The following NEDD4L variants were observed in gnomAD, a reference collection of about 807,000 sequenced individuals.
The protein encoded by NEDD4L is E3 ubiquitin-protein ligase NEDD4-like.
In NEDD4L, 54 loss-of-function variants were observed where a neutral mutation model predicts 148.9. That is an observed-to-expected ratio of 0.36 (90% CI 0.29 to 0.45). The LOEUF (loss-of-function observed/expected upper bound fraction) is 0.45, where lower values mean the gene tolerates loss of function less well. NEDD4L is among the 20% of genes least tolerant of loss of function. NEDD4L has a pLI of 1.00. For synonymous variants in NEDD4L, 433 were observed against 440.7 expected, an observed-to-expected ratio of 0.98 and a Z score of 0.22; for missense variants, 856 against 1,233.8, an observed-to-expected ratio of 0.69 and a Z score of 4.59.
At chr18:58,202,091 C>G (rs1212668712) in intron 2 of NEDD4L, among the ~76,000 whole-genome samples, 2 of 152,174 alleles carry the variant, frequency 1.3e-5, no homozygotes, top group Admixed American at 1.3e-4. Context: ...CCTCAGTAAC[C>G]TTTTATTCTC....
rs139431524 is a variant in NEDD4L at position 58,092,125 on chromosome 18, G to A, written c.48+47417G>A. ...AGTTACAGATGTGAGTAAAAGAGGG[G>A]ATGGCAGGGGGCAGAAGTCAGGGCA... On this transcript the variant is annotated intron_variant, in intron 1 of 30. Coordinates refer to ENST00000400345, the MANE Select transcript of NEDD4L (RefSeq NM_001144967.3). Among the ~76,000 whole-genome samples the A allele has an allele frequency of 6.0e-3, 911 of 152,370 alleles. 4 individuals carry two copies. Among genetic ancestry groups the A allele is most frequent in the Non-Finnish European group, 9.8e-3 (668 of 68,040 alleles).
At chr18:58,083,617 G>A (rs1374505473) in intron 1 of NEDD4L, among the ~76,000 whole-genome samples, 1 of 152,150 alleles carries the variant, frequency 6.6e-6, no homozygotes, top group Non-Finnish European at 1.5e-5. Flanking sequence ...GAACTCGGGA[G>A]GCAGAGCTTG....
intron 1 of NEDD4L, among the ~76,000 whole-genome samples, chr18:58,083,674 C>T (rs1201658324): frequency 2.2e-5 from 3 of 138,062 alleles, no homozygotes; most frequent in African/African-American, 2.8e-5. Flanking sequence ...GGCGACAGAG[C>T]GAGACTCCAT....
At chr18:58,211,561 A>G (rs1013143731) in intron 2 of NEDD4L, among the ~76,000 whole-genome samples, 1 of 152,252 alleles carries the variant, frequency 6.6e-6, no homozygotes, top group Non-Finnish European at 1.5e-5. Flanking sequence ...ATTAATAAGT[A>G]AATTTCTTGT....
chr18:58,229,864 C>T (rs1430050561), intron 2 of NEDD4L, among the ~76,000 whole-genome samples: 4 of 152,234 alleles, frequency 2.6e-5, no homozygotes, highest in Middle Eastern at 3.4e-3. Flanking sequence ...GTGGCGGGCA[C>T]CTGTAGTCCC....
intron 5 of NEDD4L, among the ~76,000 whole-genome samples, chr18:58,308,148 T>A (rs897459187): frequency 6.6e-6 from 1 of 152,242 alleles, no homozygotes; most frequent in South Asian, 2.1e-4. Flanking sequence ...AATTAACTTT[T>A]AAATTAAGTT....
rs149123465 is a variant in NEDD4L, at chr18:58,083,812, G to A, written c.48+39104G>A. Among the ~76,000 whole-genome samples, 669 of 152,338 alleles carry A rather than the reference G, an allele frequency of 4.4e-3. 6 individuals are homozygous for A. The highest frequency in any genetic ancestry group is 0.031 in the Middle Eastern group (9 of 294). On this transcript the variant is annotated intron_variant, in intron 1 of 30. Transcript: ENST00000400345. ...CTATGCTATGCTGCCATAAAATGGA[G>A]TGAAACATTCATACATGTTGCAATA...
intron 1 of NEDD4L, among the ~76,000 whole-genome samples, chr18:58,061,659 G>A (rs1044536972): frequency 6.6e-6 from 1 of 152,036 alleles, no homozygotes; most frequent in Non-Finnish European, 1.5e-5. Context: ...GTAAATATGG[G>A]AACATTTACC....
intron 2 of NEDD4L, among the ~76,000 whole-genome samples, chr18:58,237,143 G>C (rs2046129336): frequency 6.6e-6 from 1 of 152,096 alleles, no homozygotes; most frequent in African/African-American, 2.4e-5. Context: ...AAACACTGTT[G>C]TCTGATTTTG....
chr18:58,236,581 C>CT (rs2046047592), intron 2 of NEDD4L, among the ~76,000 whole-genome samples: 1 of 152,160 alleles, frequency 6.6e-6, no homozygotes, highest in Admixed American at 6.5e-5. Flanking sequence ...AAGGGAGACT[C>CT]TAAGATCTTC....
chr18:58,186,388 A>T (rs2039486694), intron 2 of NEDD4L, among the ~76,000 whole-genome samples: 1 of 152,176 alleles, frequency 6.6e-6, no homozygotes, highest in Admixed American at 6.5e-5. Flanking sequence ...GTTACCCCTG[A>T]TGTGAGCAGG....
At chr18:58,311,509 C>T (rs1035164986) in intron 5 of NEDD4L, among the ~76,000 whole-genome samples, 2 of 152,188 alleles carry the variant, frequency 1.3e-5, no homozygotes, top group African/African-American at 4.8e-5. Flanking sequence ...GTAGCCCTTA[C>T]TTCCTTTAAT....
intron 1 of NEDD4L, among the ~76,000 whole-genome samples, chr18:58,092,965 A>G (rs1014461161): frequency 1.3e-5 from 2 of 150,076 alleles, no homozygotes; most frequent in Non-Finnish European, 3.0e-5. Flanking sequence ...AGTTCACGCC[A>G]TTCTCCTGCC....
At chr18:58,058,958 G>A (rs1384745612) in intron 1 of NEDD4L, among the ~76,000 whole-genome samples, 1 of 152,188 alleles carries the variant, frequency 6.6e-6, no homozygotes, top group African/African-American at 2.4e-5. Flanking sequence ...CCCCTTGACC[G>A]TTTACTCCAT....
At chr18:58,109,567 T>TTTG (rs1568228362) in intron 1 of NEDD4L, among the ~76,000 whole-genome samples, 2 of 142,380 alleles carry the variant, frequency 1.4e-5, no homozygotes, top group Admixed American at 6.9e-5. Context: ...GGAGGTTTTT[T>TTTG]TTTTGTTTTT....
intron 1 of NEDD4L, among the ~76,000 whole-genome samples, chr18:58,142,325 G>T (rs2033642920): frequency 7.5e-6 from 1 of 134,202 alleles, no homozygotes; most frequent in African/African-American, 2.9e-5. Context: ...TGGGATTACA[G>T]GCGTGAACCA....
intron 2 of NEDD4L, among the ~76,000 whole-genome samples, chr18:58,168,351 G>A (rs1004511594): frequency 6.6e-6 from 1 of 152,312 alleles, no homozygotes; most frequent in East Asian, 1.9e-4. Context: ...GAGTGGCACT[G>A]CTTATTGCCT....
At chr18:58,347,908 A>G (rs1200443147) in intron 16 of NEDD4L, among the ~76,000 whole-genome samples, 1 of 152,228 alleles carries the variant, frequency 6.6e-6, no homozygotes, top group Non-Finnish European at 1.5e-5. Context: ...TGAAGCTGAT[A>G]TCAAATGTCT....
chr18:58,382,500 T>A (rs1337303203), intron 24 of NEDD4L, among the ~76,000 whole-genome samples: 1 of 152,238 alleles, frequency 6.6e-6, no homozygotes, highest in Non-Finnish European at 1.5e-5. Flanking sequence ...TCCACCTTTT[T>A]TCCCCAAAAT....
Sources: gnomAD v4.1 joint callset for allele counts (sites outside exome capture counted in the v4.1 genomes callset) on GRCh38, gnomAD v4.1.1 for gene constraint, MANE v1.5 for transcripts, NCBI Gene and HGNC (gene_info 2026-07-23, HGNC 2026-07-21) for gene names.